Variants in GPC6 observed in about 807,000 individuals in gnomAD.
GPC6 encodes the protein glypican-6.
Under a neutral mutation model 55.2 loss-of-function variants are expected in GPC6, and 14 were observed. That is an observed-to-expected ratio of 0.25 (90% CI 0.17 to 0.40). GPC6 has a LOEUF of 0.40. Among genes scored for constraint, GPC6 ranks in the 10% least tolerant of loss-of-function variants. The pLI, the probability that GPC6 is intolerant of heterozygous loss-of-function variation, is 1.00. For synonymous variants in GPC6, 278 were observed against 259.6 expected, an observed-to-expected ratio of 1.07 and a Z score of -0.68; for missense variants, 641 against 708.5, an observed-to-expected ratio of 0.90 and a Z score of 1.08.
At chr13:94,026,437 C>G (rs1456693380) in intron 3 of GPC6, among the ~76,000 whole-genome samples, 1 of 151,574 alleles carries the variant, frequency 6.6e-6, no homozygotes, top group Non-Finnish European at 1.5e-5. Context: ...CCACCACTCT[C>G]CAAGAGGGCC....
chr13:94,012,433 A>G (rs1882284895), intron 3 of GPC6, among the ~76,000 whole-genome samples: 1 of 152,210 alleles, frequency 6.6e-6, no homozygotes, highest in Admixed American at 6.5e-5. Flanking sequence ...TGTGCTAACA[A>G]CTAGGTGGTC....
At chr13:94,241,615 G>C (rs886191159) in intron 4 of GPC6, among the ~76,000 whole-genome samples, 5 of 152,146 alleles carry the variant, frequency 3.3e-5, no homozygotes, top group Admixed American at 2.6e-4. Context: ...AGCCATCAAA[G>C]ATGGCCAGAG....
At chr13:93,993,326 TC>T (rs1881396076) in intron 3 of GPC6, among the ~76,000 whole-genome samples, 1 of 150,626 alleles carries the variant, frequency 6.6e-6, no homozygotes, top group Non-Finnish European at 1.5e-5. Flanking sequence ...GGAGTCTTGC[TC>T]TGTCGCCCAG....
At chr13:93,258,663 G>A (rs112925938) in intron 1 of GPC6, among the ~76,000 whole-genome samples, 1 of 152,274 alleles carries the variant, frequency 6.6e-6, no homozygotes, top group African/African-American at 2.4e-5. Flanking sequence ...ATGGGGGTGG[G>A]TACAATGGCT....
intron 6 of GPC6, among the ~76,000 whole-genome samples, chr13:94,355,846 T>C (rs1878767832): frequency 2.0e-5 from 3 of 152,192 alleles, no homozygotes; most frequent in Non-Finnish European, 1.5e-5. Context: ...GGTAAACGTG[T>C]GCCATAGTGG....
At chr13:93,890,803 C>T (rs1220728648) in intron 3 of GPC6, among the ~76,000 whole-genome samples, 3 of 148,898 alleles carry the variant, frequency 2.0e-5, no homozygotes, top group Non-Finnish European at 4.4e-5. Context: ...ATTCCCCATG[C>T]CTTCTAGATT....
intron 4 of GPC6, among the ~76,000 whole-genome samples, chr13:94,276,047 C>T (rs1892191907): frequency 1.3e-5 from 2 of 152,260 alleles, no homozygotes; most frequent in Middle Eastern, 3.4e-3. Context: ...TTTATAAGCC[C>T]ATATCTTTGA....
At chr13:93,544,325 T>C (rs1230035399) in intron 1 of GPC6, among the ~76,000 whole-genome samples, 1 of 138,080 alleles carries the variant, frequency 7.2e-6, no homozygotes, top group African/African-American at 2.8e-5. Context: ...CTATTAAACA[T>C]TATAAATGAA....
chr13:94,367,920 G>T (rs1879354836), intron 6 of GPC6, among the ~76,000 whole-genome samples: 1 of 152,002 alleles, frequency 6.6e-6, no homozygotes, highest in South Asian at 2.1e-4. Context: ...GGAGGCTGAG[G>T]CGGGCGGATC....
At chr13:93,334,747 G>A (rs180901481) in intron 1 of GPC6, among the ~76,000 whole-genome samples, 5 of 152,278 alleles carry the variant, frequency 3.3e-5, no homozygotes, top group African/African-American at 4.8e-5. Flanking sequence ...GATTGCAGGC[G>A]TGAGCCACTG....
chr13:93,375,813 G>A (rs1283605086), intron 1 of GPC6, among the ~76,000 whole-genome samples: 1 of 152,194 alleles, frequency 6.6e-6, no homozygotes, highest in Non-Finnish European at 1.5e-5. Context: ...GCAGAAGTTG[G>A]AGAAAATGAG....
chr13:93,788,656 A>C (rs2138918078), intron 2 of GPC6, among the ~76,000 whole-genome samples: 1 of 152,136 alleles, frequency 6.6e-6, no homozygotes, highest in South Asian at 2.1e-4. Flanking sequence ...TTGCAGTTAC[A>C]ACGCCACATT....
At chr13:93,673,859 T>G (rs1027250389) in intron 2 of GPC6, among the ~76,000 whole-genome samples, 1 of 152,140 alleles carries the variant, frequency 6.6e-6, no homozygotes, top group African/African-American at 2.4e-5. Flanking sequence ...GCCTCACACA[T>G]GAGAGATTTG....
intron 4 of GPC6, among the ~76,000 whole-genome samples, chr13:94,271,032 C>T (rs1353145472): frequency 8.6e-6 from 1 of 116,510 alleles, no homozygotes; most frequent in Non-Finnish European, 1.6e-5. Context: ...CTCTGTCGCC[C>T]AGGCTGGAGT....
intron 4 of GPC6, among the ~76,000 whole-genome samples, chr13:94,056,889 T>C (rs1237527831): frequency 2.0e-5 from 3 of 152,244 alleles, no homozygotes; most frequent in Non-Finnish European, 2.9e-5. Flanking sequence ...AAAAGAGGAA[T>C]GGCTGTAAGC....
Position 93,477,267 on chromosome 13 carries a change from A to G in GPC6, c.161-67996A>G, listed in dbSNP as rs117489388. Among the ~76,000 whole-genome samples the G allele has an allele frequency of 8.4e-3, 1,287 of 152,324 alleles. 10 individuals carry two copies. The highest frequency in any genetic ancestry group is 0.011 in the Non-Finnish European group (753 of 68,020). ...AAAAAACAGGTTTTTACAAATTCATAGAATTAAAGACAATTTTTGTAAATT... is the reference window on the plus strand; with the variant it reads ...AAAAAACAGGTTTTTACAAATTCATGGAATTAAAGACAATTTTTGTAAATT... On this transcript the variant is annotated intron_variant, in intron 1 of 8. Transcript: ENST00000377047.
chr13:93,282,169 T>G (rs1877973397), intron 1 of GPC6, among the ~76,000 whole-genome samples: 1 of 152,168 alleles, frequency 6.6e-6, no homozygotes, highest in Non-Finnish European at 1.5e-5. Context: ...ACCAAATGTT[T>G]TGAAGTGAAT....
In GPC6 at chr13:94,402,943, G is replaced by A. The variant is rs547457292; in HGVS notation, c.1466-72G>A. 2.8e-6 allele frequency: 3 copies of A among 1,066,552 alleles called. No homozygotes were observed. The East Asian group carries it at 7.1e-5, about 25-fold the overall frequency. 66.1% of individuals were successfully genotyped at this position (1,066,552 alleles called of 1,614,324 possible). A position where few individuals can be genotyped will look rare whatever the true frequency, so the allele number is the denominator to read the frequency against. On this transcript the variant is annotated intron_variant, in intron 8 of 8. Coordinates refer to ENST00000377047, the MANE Select transcript of GPC6 (RefSeq NM_005708.5). ...GATTATGGGGATTACAATTCAAGAT[G>A]AGATTTGGGTGGGGCCACAAAGCCT... is the stretch of plus-strand genomic sequence containing the variant.
intron 3 of GPC6, among the ~76,000 whole-genome samples, chr13:93,968,113 A>G (rs1006727000): frequency 7.2e-5 from 11 of 152,314 alleles, no homozygotes; most frequent in African/African-American, 2.2e-4. Flanking sequence ...TTAGAAAAAA[A>G]CTTCAATATA....
Sources: gnomAD v4.1 joint callset for allele counts (sites outside exome capture counted in the v4.1 genomes callset) on GRCh38, gnomAD v4.1.1 for gene constraint, MANE v1.5 for transcripts, NCBI Gene and HGNC (gene_info 2026-07-23, HGNC 2026-07-21) for gene names.